CTNNA1: variants seen among roughly 807,000 people sequenced by gnomAD.
CTNNA1 encodes the protein catenin alpha 1.
Under a neutral mutation model 98.4 loss-of-function variants are expected in CTNNA1, and 37 were observed. That is an observed-to-expected ratio of 0.38 (90% CI 0.29 to 0.49). The LOEUF is 0.49. Ranked by LOEUF, CTNNA1 falls within the 20% of genes least tolerant of loss-of-function variation. CTNNA1 has a pLI of 0.95. For synonymous variants in CTNNA1, 404 were observed against 413.2 expected (o/e 0.98, Z 0.27); for missense variants, 761 against 1,147.2 (o/e 0.66, Z 4.86).
At chr5:138,924,778 GCCCAGC>G in intron 12 of CTNNA1, 68 bp downstream of exon 12, 1 of 1,367,010 alleles carries the variant, frequency 7.3e-7, no homozygotes, top group South Asian at 1.3e-5. Context: ...CACCCCATTA[GCCCAGC>G]CCTGTGGTGA....
chr5:138,910,821 T>C (rs1220477928), intron 10 of CTNNA1, among the ~76,000 whole-genome samples: 1 of 152,192 alleles, frequency 6.6e-6, no homozygotes, highest in African/African-American at 2.4e-5. Flanking sequence ...ATCAGATATC[T>C]AAAACAAGTT....
intron 3 of CTNNA1, among the ~76,000 whole-genome samples, chr5:138,806,277 T>C (rs2149716909): frequency 6.6e-6 from 1 of 152,252 alleles, no homozygotes; most frequent in East Asian, 1.9e-4. Context: ...TTTTTGACAG[T>C]CTTGGTTCTC....
chr5:138,933,739 C>T, intron 17 of CTNNA1, 63 bp from the exon 18 acceptor site: 2 of 1,555,898 alleles, frequency 1.3e-6, no homozygotes, highest in Non-Finnish European at 1.7e-6. Context: ...AAGCACAGCC[C>T]ACCTGTGTCC....
rs1392925146 is a variant in CTNNA1 at position 138,804,231 on chromosome 5, G to A, written c.302-5807G>A. Among the ~76,000 whole-genome samples the A allele has an allele frequency of 2.0e-5, 3 of 152,254 alleles. No homozygotes were observed. The East Asian group carries it at 5.8e-4, about 29-fold the overall frequency. ...GGCAAGTGGCAAAGCCAAAACTTAG[G>A]CCTATATCCAGCTCCAGAGCCTGTG... is the stretch of plus-strand genomic sequence containing the variant. On this transcript the variant is annotated intron_variant, in intron 3 of 17. Transcript: ENST00000302763.
intron 7 of CTNNA1, among the ~76,000 whole-genome samples, chr5:138,864,974 C>T (rs963843389): frequency 5.3e-5 from 8 of 151,940 alleles, no homozygotes; most frequent in South Asian, 2.1e-4. Flanking sequence ...CCACCACACC[C>T]GGCTAATTTT....
chr5:138,777,583 A>C (rs1754486211), intron 1 of CTNNA1, among the ~76,000 whole-genome samples: 1 of 152,030 alleles, frequency 6.6e-6, no homozygotes, highest in Non-Finnish European at 1.5e-5. Flanking sequence ...GCACTGAGTG[A>C]ACCAGACTCC....
intron 3 of CTNNA1, among the ~76,000 whole-genome samples, chr5:138,786,923 C>T (rs1217377227): frequency 6.6e-6 from 1 of 152,224 alleles, no homozygotes; most frequent in African/African-American, 2.4e-5. Flanking sequence ...TTTCCCTGCC[C>T]TGGCTTCAGT....
chr5:138,829,272 A>G (rs578237779), intron 7 of CTNNA1, among the ~76,000 whole-genome samples: 1 of 152,398 alleles, frequency 6.6e-6, no homozygotes, highest in South Asian at 2.1e-4. Flanking sequence ...ACATTAGAAA[A>G]TATTTTAAAA....
intron 9 of CTNNA1, among the ~76,000 whole-genome samples, chr5:138,894,714 C>T (rs1756372801): frequency 6.6e-6 from 1 of 152,108 alleles, no homozygotes; most frequent in South Asian, 2.1e-4. Flanking sequence ...TCCCCTGACC[C>T]ACCCATCCTG....
chr5:138,782,075 A>G, intron 2 of CTNNA1, 46 bp downstream of exon 2: 9 of 1,569,810 alleles, frequency 5.7e-6, no homozygotes, highest in Non-Finnish European at 7.8e-6. Flanking sequence ...GTTCTATAGC[A>G]CAGGCCTGGG....
intron 11 of CTNNA1, among the ~76,000 whole-genome samples, chr5:138,922,442 T>A (rs1763105198): frequency 6.6e-6 from 1 of 152,248 alleles, no homozygotes; most frequent in African/African-American, 2.4e-5. Context: ...GATACAATAG[T>A]GTCCATAATA....
At chr5:138,852,868 C>T (rs542640582) in intron 7 of CTNNA1, among the ~76,000 whole-genome samples, 35 of 30,484 alleles carry the variant, frequency 1.1e-3, no homozygotes, top group African/African-American at 2.7e-3. Flanking sequence ...TTCGCGCGCG[C>T]GCGCACACAC....
At chr5:138,760,028 CTT>C (rs1165179035) in intron 1 of CTNNA1, among the ~76,000 whole-genome samples, 3 of 103,098 alleles carry the variant, frequency 2.9e-5, no homozygotes, top group African/African-American at 3.8e-5. Context: ...GAGTTTCACT[CTT>C]GTCGCCCAGG....
chr5:138,834,087 G>A (rs1379939470), intron 7 of CTNNA1, among the ~76,000 whole-genome samples: 1 of 152,158 alleles, frequency 6.6e-6, no homozygotes, highest in African/African-American at 2.4e-5. Context: ...TGTTATTATA[G>A]TGAAGTGAAG....
intron 1 of CTNNA1, among the ~76,000 whole-genome samples, chr5:138,775,519 A>G (rs1438523886): frequency 6.6e-6 from 1 of 152,150 alleles, no homozygotes; most frequent in Non-Finnish European, 1.5e-5. Flanking sequence ...TAGTGATTCT[A>G]GATTTGATGA....
intron 7 of CTNNA1, among the ~76,000 whole-genome samples, chr5:138,858,674 C>A (rs1367272798): frequency 1.4e-5 from 2 of 146,192 alleles, no homozygotes; most frequent in East Asian, 2.0e-4. Flanking sequence ...TGGCTCACTG[C>A]AACCTCCGCC....
intron 7 of CTNNA1, among the ~76,000 whole-genome samples, chr5:138,834,878 G>C (rs1483104986): frequency 6.6e-6 from 1 of 152,182 alleles, no homozygotes; most frequent in African/African-American, 2.4e-5. Flanking sequence ...TCCAAAAAGA[G>C]AGTCAGCGAA....
At chr5:138,827,827 T>C in intron 7 of CTNNA1, 109 bp downstream of exon 7, 4 of 1,364,010 alleles carry the variant, frequency 2.9e-6, no homozygotes, top group Non-Finnish European at 4.0e-6. Flanking sequence ...TGTCCTTGAC[T>C]CCTTGATTTT....
chr5:138,816,061 C>T (rs1028579777), intron 5 of CTNNA1, among the ~76,000 whole-genome samples: 2 of 152,326 alleles, frequency 1.3e-5, no homozygotes, highest in Non-Finnish European at 2.9e-5. Flanking sequence ...TAACCTTTGG[C>T]TACCCACCTC....
Sources: gnomAD v4.1 joint callset for allele counts (sites outside exome capture counted in the v4.1 genomes callset) on GRCh38, gnomAD v4.1.1 for gene constraint, MANE v1.5 for transcripts, NCBI Gene and HGNC (gene_info 2026-07-23, HGNC 2026-07-21) for gene names.